Variants in TEX2 observed in about 807,000 individuals in gnomAD.
The protein encoded by TEX2 is testis expressed 2.
A neutral mutation model predicts 106.9 loss-of-function variants in TEX2; 53 were observed. The ratio of observed to expected loss-of-function variants is 0.50; its 90% confidence interval spans 0.40 to 0.62. The LOEUF is 0.62. Ranked by LOEUF, TEX2 falls within the 20% of genes least tolerant of loss-of-function variation. TEX2 has a pLI of 0.00. For synonymous variants in TEX2, 523 were observed against 534.8 expected (o/e 0.98, Z 0.30); for missense variants, 1,207 against 1,379.0 (o/e 0.88, Z 1.98).
chr17:64,188,783 T>C (rs533101662), intron 4 of TEX2, among the ~76,000 whole-genome samples: 1 of 146,930 alleles, frequency 6.8e-6, no homozygotes, highest in Non-Finnish European at 1.5e-5. Flanking sequence ...GCCACTGCAC[T>C]CCAGTCTGGG....
intron 1 of TEX2, among the ~76,000 whole-genome samples, chr17:64,219,041 T>G (rs1163602111): frequency 6.6e-6 from 1 of 152,038 alleles, no homozygotes; most frequent in Non-Finnish European, 1.5e-5. Context: ...CGAGAAATAC[T>G]TTCTCAAATA....
intron 2 of TEX2, among the ~76,000 whole-genome samples, chr17:64,210,640 T>C (rs2032972722): frequency 7.1e-6 from 1 of 141,536 alleles, no homozygotes; most frequent in East Asian, 2.0e-4. Flanking sequence ...CCAGCTTTTT[T>C]TTTTTTTTTT....
intron 1 of TEX2, chr17:64,230,673 T>A (rs1038452968): frequency 3.9e-5 from 6 of 152,174 alleles, no homozygotes; most frequent in Non-Finnish European, 7.3e-5. Context: ...CAAATGGCCC[T>A]CAAATGACAG....
intron 8 of TEX2, chr17:64,155,242 G>A (rs2030563607): frequency 3.0e-6 from 1 of 333,068 alleles, no homozygotes; most frequent in South Asian, 1.4e-4. Context: ...TTGAGCATGC[G>A]TCAGAAGGAC....
At chr17:64,246,781 A>G (rs1555636339) in intron 1 of TEX2, among the ~76,000 whole-genome samples, 2 of 152,192 alleles carry the variant, frequency 1.3e-5, no homozygotes, top group Non-Finnish European at 2.9e-5. Flanking sequence ...CTTCTGGGCT[A>G]AAAGGGGTAA....
chr17:64,176,760 C>T (rs911100453), intron 6 of TEX2, among the ~76,000 whole-genome samples: 5 of 152,174 alleles, frequency 3.3e-5, no homozygotes, highest in Admixed American at 2.0e-4. Flanking sequence ...AACACAGACA[C>T]ATTTAAAGTG....
intron 9 of TEX2, among the ~76,000 whole-genome samples, chr17:64,154,039 G>A (rs2030492529): frequency 1.3e-5 from 2 of 152,148 alleles, no homozygotes; most frequent in Non-Finnish European, 2.9e-5. Context: ...TCAGAAGAAA[G>A]GATATTTGCT....
chr17:64,252,202 G>T (rs1399967079), intron 1 of TEX2, among the ~76,000 whole-genome samples: 1 of 152,198 alleles, frequency 6.6e-6, no homozygotes, highest in African/African-American at 2.4e-5. Flanking sequence ...CTCAGAACAT[G>T]TTTTTGTAGG....
intron 2 of TEX2, among the ~76,000 whole-genome samples, chr17:64,208,245 TTTTG>T (rs2032897233): frequency 6.6e-6 from 1 of 152,196 alleles, no homozygotes; most frequent in Non-Finnish European, 1.5e-5. Context: ...TTTGTTTTTG[TTTTG>T]TTTTTTTGAG....
Position 64,194,973 on chromosome 17 carries a change from G to A in TEX2, c.1767C>T (p.Ser589=). Residue 589 remains serine, a synonymous_variant, in exon 3 of 12, where the codon TCC becomes TCT. Transcript: ENST00000584379. The stretch of plus-strand genomic sequence containing the variant: ...TGGGTTCATTGTAGCTGGCCCTCCT[G>A]GATATATTTTTATTGGGCTTTGAAA... ...LRLSKPNKNI[S]RRASYNEPKP... is the part of the protein sequence containing the mutation. The A allele has an allele frequency of 6.2e-7, 1 of 1,614,038 alleles. No individual in the cohort carries two copies. The highest frequency in any genetic ancestry group is 8.5e-7 in the Non-Finnish European group (1 of 1,179,984).
chr17:64,222,890 C>T (rs891540518), intron 1 of TEX2, among the ~76,000 whole-genome samples: 6 of 152,228 alleles, frequency 3.9e-5, no homozygotes, highest in South Asian at 4.1e-4. Flanking sequence ...AGCCTTGATC[C>T]GGTATGTTTC....
At chr17:64,196,982 A>ATTTTTTTTTTTTTTTTTTT (rs59960456) in intron 2 of TEX2, among the ~76,000 whole-genome samples, 1 of 63,568 alleles carries the variant, frequency 1.6e-5, no homozygotes, top group Non-Finnish European at 2.9e-5. Context: ...TCAAATCAAG[A>ATTTTTTTTTTTTTTTTTTT]TTTTTTTTTT....
At chr17:64,192,675 T>C (rs2032339844) in intron 4 of TEX2, among the ~76,000 whole-genome samples, 1 of 152,210 alleles carries the variant, frequency 6.6e-6, no homozygotes, top group South Asian at 2.1e-4. Context: ...GGGATTAGGA[T>C]GGAATCTGGT....
At chr17:64,170,063 G>A (rs1241380398) in intron 7 of TEX2, among the ~76,000 whole-genome samples, 1 of 152,002 alleles carries the variant, frequency 6.6e-6, no homozygotes, top group Non-Finnish European at 1.5e-5. Context: ...TGGTTTATGT[G>A]ACATAAGAGA....
chr17:64,259,344 G>C (rs897703500), intron 1 of TEX2, among the ~76,000 whole-genome samples: 1 of 152,182 alleles, frequency 6.6e-6, no homozygotes. Context: ...GCATTATAAA[G>C]AGTTTGGAAA....
chr17:64,259,197 G>C (rs2034244009), intron 1 of TEX2, among the ~76,000 whole-genome samples: 1 of 152,188 alleles, frequency 6.6e-6, no homozygotes, highest in Non-Finnish European at 1.5e-5. Flanking sequence ...GAAACTGTCA[G>C]GACTGTAGCC....
At chr17:64,247,052 C>T (rs2143449979) in intron 1 of TEX2, among the ~76,000 whole-genome samples, 1 of 151,912 alleles carries the variant, frequency 6.6e-6, no homozygotes, top group African/African-American at 2.4e-5. Context: ...CTGAGGTGGG[C>T]AGATCACCTG....
intron 5 of TEX2, among the ~76,000 whole-genome samples, chr17:64,187,884 C>CT (rs1443599291): frequency 2.0e-5 from 3 of 152,146 alleles, no homozygotes; most frequent in Non-Finnish European, 4.4e-5. Context: ...ACAGTACAAA[C>CT]TTTTTAAAAT....
chr17:64,161,876 G>A lies in TEX2; in HGVS notation c.2672-943C>T, dbSNP rs911215951. 3.9e-5 allele frequency among the ~76,000 whole-genome samples: 6 copies of A among 152,102 alleles called. No individual in the cohort carries two copies. The South Asian group carries it at 1.2e-3, about 32-fold the overall frequency. Reference sequence around the variant, plus strand: ...TTTTATAGATCCTCACATGACAAATGACATCTAAAAGGAAGCAGGAAATTA... The same window carrying A: ...TTTTATAGATCCTCACATGACAAATAACATCTAAAAGGAAGCAGGAAATTA... On this transcript the variant is annotated intron_variant, in intron 7 of 11. Coordinates refer to ENST00000584379, the MANE Select transcript of TEX2 (RefSeq NM_001288732.2).
Sources: gnomAD v4.1 joint callset for allele counts (sites outside exome capture counted in the v4.1 genomes callset) on GRCh38, gnomAD v4.1.1 for gene constraint, MANE v1.5 for transcripts, NCBI Gene and HGNC (gene_info 2026-07-23, HGNC 2026-07-21) for gene names.